MXI1: variants seen among roughly 807,000 people sequenced by gnomAD.
The protein encoded by MXI1 is max-interacting protein 1.
In MXI1, 18 loss-of-function variants were observed where a neutral mutation model predicts 36.9. That is an observed-to-expected ratio of 0.49 (90% CI 0.34 to 0.72). The LOEUF is 0.72. MXI1 is among the 30% of genes least tolerant of loss of function. The pLI is 0.01. For synonymous variants in MXI1, 160 were observed against 146.7 expected (o/e 1.09, Z -0.65); for missense variants, 304 against 379.1 (o/e 0.80, Z 1.64).
chr10:110,285,226 T>G lies in MXI1; in HGVS notation c.*239T>G. The G allele has an allele frequency of 2.8e-6, 1 of 353,528 alleles. No homozygotes were observed. The highest frequency in any genetic ancestry group is 5.0e-6 in the Non-Finnish European group (1 of 198,608). 21.9% of individuals were successfully genotyped at this position (353,528 alleles called of 1,614,324 possible). A position where few individuals can be genotyped will look rare whatever the true frequency, so the allele number is the denominator to read the frequency against. ...AATATTCATATTGGAAAAATCACAATTTTTAATGGCAGCAGAAAACTTGTG... is the reference window on the plus strand; with the variant it reads ...AATATTCATATTGGAAAAATCACAAGTTTTAATGGCAGCAGAAAACTTGTG... On this transcript the variant is annotated 3_prime_UTR_variant, in exon 6 of 6. Coordinates refer to ENST00000332674, the MANE Select transcript of MXI1 (RefSeq NM_130439.3).
At chr10:110,243,276 C>A (rs898340049) in intron 2 of MXI1, among the ~76,000 whole-genome samples, 2 of 152,010 alleles carry the variant, frequency 1.3e-5, no homozygotes, top group Non-Finnish European at 2.9e-5. Flanking sequence ...ACTCTATTTA[C>A]TTCCCTCAAA....
At chr10:110,278,595 T>C (rs1465551890) in intron 3 of MXI1, among the ~76,000 whole-genome samples, 2 of 152,124 alleles carry the variant, frequency 1.3e-5, no homozygotes, top group Non-Finnish European at 2.9e-5. Flanking sequence ...GAAATCAACA[T>C]TTTTATAAGT....
intron 3 of MXI1, among the ~76,000 whole-genome samples, chr10:110,254,944 C>T (rs1856232641): frequency 6.6e-6 from 1 of 152,008 alleles, no homozygotes; most frequent in African/African-American, 2.4e-5. Flanking sequence ...GAAAATCTAG[C>T]TAAAATAATC....
intron 3 of MXI1, among the ~76,000 whole-genome samples, chr10:110,251,676 A>G (rs1856094892): frequency 6.6e-6 from 1 of 152,178 alleles, no homozygotes; most frequent in Non-Finnish European, 1.5e-5. Flanking sequence ...ACTGTGGGTC[A>G]TAGTCAAAAC....
intron 2 of MXI1, among the ~76,000 whole-genome samples, chr10:110,241,454 A>G (rs1381042428): frequency 6.6e-6 from 1 of 151,978 alleles, no homozygotes; most frequent in Non-Finnish European, 1.5e-5. Flanking sequence ...CAGAGAAGCA[A>G]AGGGGTTGTT....
chr10:110,223,591 A>G (rs1854875770), intron 1 of MXI1, among the ~76,000 whole-genome samples: 1 of 152,156 alleles, frequency 6.6e-6, no homozygotes, highest in South Asian at 2.1e-4. Flanking sequence ...ATAAATAAAT[A>G]AATAAAAAAT....
intron 3 of MXI1, among the ~76,000 whole-genome samples, chr10:110,256,057 T>C (rs759423177): frequency 7.9e-5 from 12 of 152,204 alleles, no homozygotes; most frequent in Non-Finnish European, 1.8e-4. Flanking sequence ...CACAAGACAA[T>C]GTAATGTATT....
chr10:110,272,254 C>T (rs974336795), intron 3 of MXI1, among the ~76,000 whole-genome samples: 3 of 152,122 alleles, frequency 2.0e-5, no homozygotes, highest in Admixed American at 6.5e-5. Context: ...TTGGGATGCT[C>T]AGCTGAGTAT....
At chr10:110,283,702 ACTC>A (rs766306275) in intron 5 of MXI1, among the ~76,000 whole-genome samples, 2 of 147,310 alleles carry the variant, frequency 1.4e-5, no homozygotes, top group African/African-American at 5.0e-5. Flanking sequence ...CAACTTTTTA[ACTC>A]CTTTTTGTTT....
intron 3 of MXI1, among the ~76,000 whole-genome samples, chr10:110,276,179 T>G (rs1431924753): frequency 1.3e-5 from 2 of 152,242 alleles, no homozygotes; most frequent in Non-Finnish European, 2.9e-5. Flanking sequence ...TTGGTCCCAG[T>G]CTATAAATTT....
intron 1 of MXI1, chr10:110,225,885 G>C (rs1056295893): frequency 1.9e-5 from 10 of 522,132 alleles, no homozygotes; most frequent in East Asian, 1.5e-4. Flanking sequence ...TACGATTCCC[G>C]GCAGCCGCGG....
At chr10:110,243,924 T>G (rs1855764892) in intron 2 of MXI1, among the ~76,000 whole-genome samples, 1 of 152,094 alleles carries the variant, frequency 6.6e-6, no homozygotes. Flanking sequence ...TGTTCAGTAT[T>G]GCTTCTCACT....
At chr10:110,274,607 A>G (rs887788629) in intron 3 of MXI1, among the ~76,000 whole-genome samples, 11 of 152,224 alleles carry the variant, frequency 7.2e-5, no homozygotes, top group Non-Finnish European at 1.2e-4. Context: ...CCAAGGAGCT[A>G]AATTTTTAAA....
chr10:110,233,468 G>A (rs1217723258), intron 2 of MXI1, among the ~76,000 whole-genome samples: 1 of 151,946 alleles, frequency 6.6e-6, no homozygotes, highest in African/African-American at 2.4e-5. Flanking sequence ...GTTCACAGAA[G>A]AATTGAATGA....
chr10:110,213,612 T>G (rs991530087), intron 1 of MXI1, among the ~76,000 whole-genome samples: 2 of 152,182 alleles, frequency 1.3e-5, no homozygotes, highest in Non-Finnish European at 2.9e-5. Flanking sequence ...TCCCAAGGAC[T>G]GTGTGTCCTG....
intron 1 of MXI1, among the ~76,000 whole-genome samples, chr10:110,217,649 G>A (rs1854686853): frequency 6.6e-6 from 1 of 152,154 alleles, no homozygotes; most frequent in African/African-American, 2.4e-5. Context: ...GTTGAACTGA[G>A]CTAAGTTCAA....
chr10:110,242,547 G>A (rs913612745), intron 2 of MXI1, among the ~76,000 whole-genome samples: 1 of 151,950 alleles, frequency 6.6e-6, no homozygotes, highest in Admixed American at 6.6e-5. Context: ...TTTGCTGGTG[G>A]TATAATTAAA....
chr10:110,231,369 C>CT lies in MXI1; in HGVS notation c.407+3048_407+3049insT, dbSNP rs902935719. Among the ~76,000 whole-genome samples, 6 of 150,748 alleles carry CT rather than the reference C, an allele frequency of 4.0e-5. No homozygotes were observed. The East Asian group carries it at 1.2e-3, about 30-fold the overall frequency. On this transcript the variant is annotated intron_variant, in intron 2 of 5. Coordinates refer to ENST00000332674, the MANE Select transcript of MXI1 (RefSeq NM_130439.3). ...GCAACAGAGTGATAATCCACCCCCCCCCCCTCAAAAAAGTAACTTTATAAA... is the reference window on the plus strand; with the variant it reads ...GCAACAGAGTGATAATCCACCCCCCCTCCCCTCAAAAAAGTAACTTTATAAA...
intron 2 of MXI1, among the ~76,000 whole-genome samples, chr10:110,229,617 T>G (rs1030211257): frequency 1.3e-4 from 19 of 151,578 alleles, no homozygotes; most frequent in African/African-American, 4.7e-4. Flanking sequence ...GTTTTTAAAC[T>G]TAATTTCTTA....
Sources: gnomAD v4.1 joint callset for allele counts (sites outside exome capture counted in the v4.1 genomes callset) on GRCh38, gnomAD v4.1.1 for gene constraint, MANE v1.5 for transcripts, NCBI Gene and HGNC (gene_info 2026-07-23, HGNC 2026-07-21) for gene names.